The following METTL3 variants were observed in gnomAD, a reference collection of about 807,000 sequenced individuals.
METTL3 encodes methyltransferase 3, N6-adenosine-methyltransferase complex catalytic subunit, also known as N(6)-adenosine-methyltransferase catalytic subunit METTL3.
In METTL3, 42 loss-of-function variants were observed where a neutral mutation model predicts 64.3. That is an observed-to-expected ratio of 0.65 (90% CI 0.51 to 0.84). METTL3 has a LOEUF of 0.84. Among genes scored for constraint, METTL3 ranks in the 40% least tolerant of loss-of-function variants. The probability of loss-of-function intolerance (pLI) is 0.00; values close to 1 mark genes in which losing one functional copy is unlikely to be tolerated. For synonymous variants in METTL3, 256 were observed against 263.6 expected, an observed-to-expected ratio of 0.97 and a Z score of 0.28; for missense variants, 435 against 722.3, an observed-to-expected ratio of 0.60 and a Z score of 4.56.
intron 6 of METTL3, among the ~76,000 whole-genome samples, chr14:21,500,006 T>C (rs542999013): frequency 4.6e-5 from 7 of 152,186 alleles, no homozygotes; most frequent in African/African-American, 1.4e-4. Context: ...AGAACAAATG[T>C]AGAGTTAAAT....
In METTL3 at chr14:21,500,635, C is replaced by G; in HGVS notation, c.1164G>C (p.Lys388Asn). 1 of 1,614,148 alleles carries G rather than the reference C, an allele frequency of 6.2e-7. No individual in the cohort carries two copies. Residue 388 changes from lysine (K) to asparagine (N), a missense_variant, in exon 6 of 11, where the codon AAG becomes AAC. Transcript: ENST00000298717. ...IRYLDVSILG[K>N]FAVVMADPPW... is the part of the protein sequence containing the mutation. ...GTGGGTCAGCCATCACAACTGCAAA[C>G]TTGCCCAAGATACTGACGTCCAGGT...
At chr14:21,499,889 A>G (rs1891514997) in intron 6 of METTL3, 87 bp from the exon 7 acceptor site, 1 of 1,238,538 alleles carries the variant, frequency 8.1e-7, no homozygotes, top group Non-Finnish European at 1.2e-6. Context: ...CACTATAAAC[A>G]CTTTTTCAGT....
chr14:21,499,372 C>G lies in METTL3; in HGVS notation c.1453-1G>C, dbSNP rs778683350. On this transcript the variant is annotated splice_acceptor_variant, in intron 8 of 10. Transcript: ENST00000298717. LOFTEE classifies it high-confidence loss of function. Reference sequence around the variant, plus strand: ...CTTGGGGATTTCCTTTGACACCAACCTGCTCACCACAGATAACAGATTACC... The same window carrying G: ...CTTGGGGATTTCCTTTGACACCAACGTGCTCACCACAGATAACAGATTACC... 7 of 1,614,182 alleles carry G rather than the reference C, an allele frequency of 4.3e-6. No individual in the cohort carries two copies. The highest frequency in any genetic ancestry group is 5.1e-6 in the Non-Finnish European group (6 of 1,180,028).
intron 1 of METTL3, among the ~76,000 whole-genome samples, chr14:21,509,803 A>G (rs1322358926): frequency 1.3e-5 from 2 of 152,232 alleles, no homozygotes; most frequent in East Asian, 1.9e-4. Flanking sequence ...AAAACAAAAA[A>G]TTGTATCTAT....
At position 21,501,883 on chromosome 14, in the gene METTL3, C is replaced by T. The variant is rs1037738408; in HGVS notation, c.744G>A (p.Glu248=). ...CCTTGGCTGTTGTAGTATTTAATAG[C>T]TCTAGGATCTCCTGACTGACCTGTG... The part of the protein sequence containing the change: ...QSKKVSQEIL[E]LLNTTTAKEQ... The change falls in exon 4 of 11, where the codon GAG becomes GAA. Residue 248 remains glutamate (E), a synonymous_variant. Transcript: ENST00000298717. 11 of 1,614,024 alleles carry T rather than the reference C, an allele frequency of 6.8e-6. No individual in the cohort carries two copies. The highest frequency in any genetic ancestry group is 6.7e-5 in the Admixed American group (4 of 59,992).
rs751924267 is a variant in METTL3 at position 21,511,134 on chromosome 14, C to T, written c.90G>A (p.Ser30=). The T allele has an allele frequency of 6.2e-7, 1 of 1,614,020 alleles. No individual in the cohort carries two copies. The highest frequency in any genetic ancestry group is 1.1e-5 in the South Asian group (1 of 91,058). Residue 30 remains serine, a synonymous_variant, in exon 1 of 11, where the codon TCG becomes TCA. Transcript: ENST00000298717. ...ERLQRRRKQD[S]GHLDLRNPEA... is the part of the protein sequence containing the mutation. ...AGCCCAGTGCCTCACCCAAGTGCCC[C>T]GAGTCCTGCTTCCGCCTCCGCTGCA... is the stretch of plus-strand genomic sequence containing the variant.
At chr14:21,510,808 G>A (rs1891815296) in intron 1 of METTL3, 1 of 305,068 alleles carries the variant, frequency 3.3e-6, no homozygotes, top group Non-Finnish European at 6.2e-6. Flanking sequence ...CTGCTTCGCG[G>A]GATAGGGGGC....
intron 5 of METTL3, 57 bp from the exon 6 acceptor site, chr14:21,500,739 G>A (rs1891544608): frequency 1.9e-6 from 3 of 1,538,774 alleles, no homozygotes; most frequent in South Asian, 1.2e-5. Context: ...TTCATGGCCC[G>A]AGTCCCTCTT....
rs747522417 is a variant in METTL3, at chr14:21,500,481, C to T, written c.1304+14G>A. ...ACTGTATCTGTCCATACCTACGTAA[C>T]TGAATTGCATTACCTGCCTGTGACC... On this transcript the variant is annotated intron_variant, in intron 6 of 10. Transcript: ENST00000298717. The T allele has an allele frequency of 6.2e-7, 1 of 1,613,878 alleles. No individual in the cohort carries two copies. The highest frequency in any genetic ancestry group is 8.5e-7 in the Non-Finnish European group (1 of 1,179,736).
chr14:21,505,749 A>G (rs977193903), intron 1 of METTL3, among the ~76,000 whole-genome samples: 4 of 152,200 alleles, frequency 2.6e-5, no homozygotes, highest in Non-Finnish European at 4.4e-5. Context: ...TTCATAAGGT[A>G]TTTATTCATT....
chr14:21,505,490 T>C lies in METTL3; in HGVS notation c.101-1609A>G, dbSNP rs547406146. Among the ~76,000 whole-genome samples the C allele has an allele frequency of 9.5e-4, 144 of 152,316 alleles. 1 individual carries two copies. In the South Asian group the frequency reaches 0.011, roughly 12 times the overall value. ...ATAACACCTCCTGGGAGGTTTTTTT[T>C]CCCCAACATTACATTCAGAATATTA... On this transcript the variant is annotated intron_variant, in intron 1 of 10. Transcript: ENST00000298717.
At chr14:21,509,066 A>G (rs1215452524) in intron 1 of METTL3, among the ~76,000 whole-genome samples, 2 of 152,108 alleles carry the variant, frequency 1.3e-5, no homozygotes, top group Non-Finnish European at 2.9e-5. Flanking sequence ...TAGGCCAGGC[A>G]TGGTGGCTCA....
chr14:21,502,708 G>A (rs1263795), intron 3 of METTL3: 151,759 of 159,142 alleles, frequency 0.95, 72,525 homozygotes, highest in East Asian at 1. Context: ...TCAGGCCAAT[G>A]CTTATACTCA....
intron 6 of METTL3, 91 bp downstream of exon 6, chr14:21,500,404 G>A (rs1226891533): frequency 6.3e-6 from 8 of 1,275,250 alleles, no homozygotes; most frequent in Middle Eastern, 2.1e-4. Flanking sequence ...ACATTTAATA[G>A]TGGGGCTAGG....
Position 21,510,879 on chromosome 14 carries a change from G to T in METTL3, c.100+245C>A, listed in dbSNP as rs1891817239. On this transcript the variant is annotated intron_variant, in intron 1 of 10. Transcript: ENST00000298717. ...GAAGAGGAGTGGGCAAGGCGGACGA[G>T]GGTGGGGCTCAAGCGTCCGTCCGGT... 3 of 492,292 alleles carry T rather than the reference G, an allele frequency of 6.1e-6. 1 individual carries two copies. The highest frequency in any genetic ancestry group is 1.1e-5 in the Non-Finnish European group (3 of 274,312). The allele number at this position is 492,292 out of a possible 1,614,324, so 30.5% of individuals were successfully genotyped here.
chr14:21,499,454 G>A, intron 8 of METTL3, 38 bp downstream of exon 8: 1 of 1,607,200 alleles, frequency 6.2e-7, no homozygotes, highest in Non-Finnish European at 8.5e-7. Flanking sequence ...ATTCTTCTTT[G>A]TGCTCCACCT....
At position 21,500,957 on chromosome 14, in the gene METTL3, T is replaced by G; in HGVS notation, c.1072A>C (p.Ser358Arg). 6.2e-7 allele frequency: 1 copy of G among 1,614,062 alleles called. No homozygotes were observed. Among genetic ancestry groups the G allele is most frequent in the Non-Finnish European group, 8.5e-7 (1 of 1,180,002 alleles). ...TCTGCACTGGAATCACCTCCGACAC[T>G]CTGTGTAAGAGCAAGCTCCTGGCTT... is the stretch of plus-strand genomic sequence containing the variant. Reference protein sequence around the residue: ...TPSQELALTQSVGGDSSADRL... With the variant: ...TPSQELALTQRVGGDSSADRL... The change falls in exon 5 of 11, where the codon AGT (serine) becomes CGT (arginine). Residue 358 changes from serine to arginine, a missense_variant. Physicochemically the swap from Ser to Arg is moderately radical, Grantham distance 110. Coordinates refer to ENST00000298717, the MANE Select transcript of METTL3 (RefSeq NM_019852.5).
Position 21,499,601 on chromosome 14 carries a change from C to T in METTL3, c.1344-1G>A. 1 of 1,613,132 alleles carries T rather than the reference C, an allele frequency of 6.2e-7. No individual in the cohort carries two copies. The highest frequency in any genetic ancestry group is 8.5e-7 in the Non-Finnish European group (1 of 1,179,100). ...AATAATTTCATCTACCCGTTCATAC[C>T]TGTGGGGCATAAAAAAGAACTAGAA... On this transcript the variant is annotated splice_acceptor_variant, in intron 7 of 10. Coordinates refer to ENST00000298717, the MANE Select transcript of METTL3 (RefSeq NM_019852.5). LOFTEE classifies it high-confidence loss of function.
chr14:21,508,362 T>A (rs1891750229), intron 1 of METTL3: 1 of 151,638 alleles, frequency 6.6e-6, no homozygotes, highest in Non-Finnish European at 1.5e-5. Context: ...TAAATAAAAA[T>A]AAAAAAGGAT....
Sources: allele counts gnomAD v4.1 joint callset (sites outside exome capture counted in the v4.1 genomes callset), GRCh38; gene constraint gnomAD v4.1.1; transcripts MANE v1.5; gene names NCBI Gene and HGNC (gene_info 2026-07-23, HGNC 2026-07-21).